RBFOX1: variants seen among roughly 807,000 people sequenced by gnomAD.
RBFOX1 encodes the protein RNA binding protein fox-1 homolog 1.
RBFOX1 carries 8 observed loss-of-function variants against 57.7 expected under a neutral mutation model. The ratio of observed to expected loss-of-function variants is 0.14; its 90% CI spans 0.08 to 0.25. The LOEUF is 0.25. Among genes scored for constraint, RBFOX1 ranks in the 10% least tolerant of loss-of-function variants. The pLI is 1.00. For missense variants in RBFOX1, 611 were observed against 548.5 expected (o/e 1.11, Z -1.14); for synonymous variants, 326 against 222.4 (o/e 1.47, Z -4.15).
At chr16:6,374,774 A>T (rs921964912) in intron 2 of RBFOX1, among the ~76,000 whole-genome samples, 3 of 152,226 alleles carry the variant, frequency 2.0e-5, no homozygotes, top group Admixed American at 1.3e-4. Flanking sequence ...GTTGAAGGCA[A>T]TCTGAATTAT....
At chr16:5,827,697 G>C (rs2056114504) in intron 3 of RBFOX1, among the ~76,000 whole-genome samples, 1 of 152,172 alleles carries the variant, frequency 6.6e-6, no homozygotes, top group African/African-American at 2.4e-5. Context: ...CCCCTGCTTT[G>C]AGTTAAATCC....
chr16:6,501,497 C>T (rs945011425), intron 2 of RBFOX1, among the ~76,000 whole-genome samples: 1 of 151,986 alleles, frequency 6.6e-6, no homozygotes, highest in East Asian at 1.9e-4. Flanking sequence ...GCATAGTACT[C>T]CATGGTGTAT....
At chr16:6,412,079 G>C (rs1182701731) in intron 2 of RBFOX1, among the ~76,000 whole-genome samples, 1 of 149,818 alleles carries the variant, frequency 6.7e-6, no homozygotes, top group Admixed American at 6.7e-5. Context: ...GTTGCAGTGA[G>C]CCAAGATCGT....
intron 15 of RBFOX1, chr16:7,709,491 T>TA (rs2083563572): frequency 6.8e-6 from 10 of 1,477,130 alleles, no homozygotes; most frequent in Non-Finnish European, 8.0e-6. Flanking sequence ...CTCATTCACA[T>TA]AGCCCCAAGG....
At chr16:5,673,889 C>T (rs914875205) in intron 3 of RBFOX1, among the ~76,000 whole-genome samples, 5 of 152,238 alleles carry the variant, frequency 3.3e-5, no homozygotes, top group African/African-American at 1.2e-4. Flanking sequence ...CTTCAGCCTT[C>T]AGCTTTTCTC....
chr16:5,961,477 T>TA (rs2059746432), intron 4 of RBFOX1, among the ~76,000 whole-genome samples: 1 of 136,472 alleles, frequency 7.3e-6, no homozygotes, highest in African/African-American at 2.7e-5. Context: ...GCTCTTTTGT[T>TA]TAAAAAAAAC....
At chr16:5,861,601 C>G (rs934556429) in intron 3 of RBFOX1, among the ~76,000 whole-genome samples, 2 of 152,204 alleles carry the variant, frequency 1.3e-5, no homozygotes, top group South Asian at 4.1e-4. Flanking sequence ...GCAACTGTAG[C>G]TTAGATATCC....
chr16:6,947,906 A>T (rs774138607), intron 3 of RBFOX1, among the ~76,000 whole-genome samples: 4 of 152,090 alleles, frequency 2.6e-5, no homozygotes, highest in Non-Finnish European at 4.4e-5. Context: ...CCCCCCAAGT[A>T]GCTGGGATTA....
chr16:6,429,262 A>G (rs761623162), intron 2 of RBFOX1, among the ~76,000 whole-genome samples: 2 of 152,216 alleles, frequency 1.3e-5, no homozygotes, highest in Non-Finnish European at 2.9e-5. Flanking sequence ...TTGATGAAGG[A>G]GCAAAACCTT....
chr16:7,664,614 C>T, intron 12 of RBFOX1: 2 of 371,540 alleles, frequency 5.4e-6, no homozygotes, highest in Non-Finnish European at 9.8e-6. Flanking sequence ...CTGTCTGGGC[C>T]ACTTAAATCT....
At chr16:5,689,484 C>G (rs973717386) in intron 3 of RBFOX1, among the ~76,000 whole-genome samples, 11 of 152,004 alleles carry the variant, frequency 7.2e-5, no homozygotes, top group African/African-American at 2.2e-4. Flanking sequence ...TCTGTGGAAT[C>G]CTAAAGAAAG....
chr16:7,310,221 G>A (rs1310370156), intron 4 of RBFOX1, among the ~76,000 whole-genome samples: 1 of 152,204 alleles, frequency 6.6e-6, no homozygotes, highest in East Asian at 1.9e-4. Flanking sequence ...GCTGGCCAGG[G>A]TTCTCTCTGA....
intron 3 of RBFOX1, among the ~76,000 whole-genome samples, chr16:6,913,858 A>T (rs1191207176): frequency 6.6e-6 from 1 of 152,186 alleles, no homozygotes; most frequent in East Asian, 1.9e-4. Context: ...ATTTTCAGGG[A>T]GGGCCAATCT....
chr16:5,598,403 A>G (rs1379619152), intron 2 of RBFOX1, among the ~76,000 whole-genome samples: 5 of 152,142 alleles, frequency 3.3e-5, no homozygotes, highest in Non-Finnish European at 7.4e-5. Flanking sequence ...AGCGGAGTCA[A>G]AGATGCAATT....
intron 4 of RBFOX1, among the ~76,000 whole-genome samples, chr16:7,160,086 T>C (rs2077983904): frequency 6.6e-6 from 1 of 152,190 alleles, no homozygotes; most frequent in Non-Finnish European, 1.5e-5. Flanking sequence ...CATAACAGTA[T>C]TAGAACTAAT....
intron 2 of RBFOX1, among the ~76,000 whole-genome samples, chr16:6,612,820 C>T (rs1036523744): frequency 1.4e-5 from 2 of 147,036 alleles, no homozygotes; most frequent in African/African-American, 5.1e-5. Flanking sequence ...CCACTGCACT[C>T]CAGCCTGGGA....
chr16:5,809,615 C>G (rs1181986839), intron 3 of RBFOX1, among the ~76,000 whole-genome samples: 1 of 152,274 alleles, frequency 6.6e-6, no homozygotes, highest in Non-Finnish European at 1.5e-5. Context: ...CAAATCAAAA[C>G]CACGATGAGA....
intron 1 of RBFOX1, among the ~76,000 whole-genome samples, chr16:6,296,821 G>A (rs559528229): frequency 2.6e-5 from 4 of 152,274 alleles, no homozygotes; most frequent in South Asian, 4.1e-4. Flanking sequence ...TTACCACACC[G>A]AGGTACCGGT....
chr16:6,978,888 C>T (rs369434126), intron 3 of RBFOX1, among the ~76,000 whole-genome samples: 1 of 152,274 alleles, frequency 6.6e-6, no homozygotes, highest in South Asian at 2.1e-4. Flanking sequence ...ATGATGCTTT[C>T]GGATGCTGCA....
Sources: allele counts gnomAD v4.1 joint callset (sites outside exome capture counted in the v4.1 genomes callset), GRCh38; gene constraint gnomAD v4.1.1; transcripts MANE v1.5; gene names NCBI Gene and HGNC (gene_info 2026-07-23, HGNC 2026-07-21).